Variants in SLC9B1 observed in about 807,000 individuals in gnomAD.
The protein encoded by SLC9B1 is solute carrier family 9 member B1.
In SLC9B1, 32 loss-of-function variants were observed where a neutral mutation model predicts 51.7. That is an observed-to-expected ratio of 0.62 (90% CI 0.47 to 0.83). The LOEUF (loss-of-function observed/expected upper bound fraction) is 0.83. Ranked by LOEUF, SLC9B1 falls within the 40% of genes least tolerant of loss-of-function variation. SLC9B1 has a pLI of 0.00. For synonymous variants in SLC9B1, 145 were observed against 212.7 expected, an observed-to-expected ratio of 0.68 and a Z score of 2.77; for missense variants, 406 against 613.2, an observed-to-expected ratio of 0.66 and a Z score of 3.57.
At chr4:102,941,639 CAAAAAA>C (rs34497777) in intron 6 of SLC9B1, among the ~76,000 whole-genome samples, 5 of 81,816 alleles carry the variant, frequency 6.1e-5, no homozygotes, top group Admixed American at 1.4e-4. Context: ...GACTCCGTCT[CAAAAAA>C]AAAAAAAAAA....
chr4:103,000,675 A>G (rs1740472192), intron 1 of SLC9B1, among the ~76,000 whole-genome samples: 1 of 152,230 alleles, frequency 6.6e-6, no homozygotes, highest in Non-Finnish European at 1.5e-5. Context: ...TCTCACATCC[A>G]GGGCATGCTG....
chr4:102,924,503 A>ATGT (rs1273868548), intron 7 of SLC9B1, among the ~76,000 whole-genome samples: 1 of 152,224 alleles, frequency 6.6e-6, no homozygotes, highest in African/African-American at 2.4e-5. Flanking sequence ...ATGGGCAAAG[A>ATGT]ATTAATGACT....
rs1741149335 is a variant in SLC9B1, at chr4:103,012,819, G to T, written c.-2+6780C>A. On this transcript the variant is annotated intron_variant, in intron 1 of 11. Coordinates refer to ENST00000296422, the MANE Select transcript of SLC9B1 (RefSeq NM_139173.4). ...ATTCTCTGAAGGGAATGAACATTGT[G>T]TCCTCACATGGTGGAAGGCATGTAA... 3.9e-5 allele frequency among the ~76,000 whole-genome samples: 6 copies of T among 152,252 alleles called. No individual in the cohort carries two copies. The South Asian group carries it at 1.2e-3, about 32-fold the overall frequency.
intron 1 of SLC9B1, among the ~76,000 whole-genome samples, chr4:103,001,360 T>C (rs937509408): frequency 2.0e-5 from 3 of 152,220 alleles, no homozygotes; most frequent in African/African-American, 4.8e-5. Context: ...CCCCCAAAAA[T>C]GGATTTTTCT....
At position 102,905,619 on chromosome 4, in the gene SLC9B1, T is replaced by C. The variant is rs772320335; in HGVS notation, c.1227A>G (p.Leu409=). 2.5e-6 allele frequency: 4 copies of C among 1,611,346 alleles called. No individual in the cohort carries two copies. In the South Asian group the frequency reaches 3.3e-5, roughly 13 times the overall value. ...GATATGTGGTTAAAATTCGAACACATAATGCCAAACTTAGAGTGGCAACAG... is the reference window on the plus strand; with the variant it reads ...GATATGTGGTTAAAATTCGAACACACAATGCCAAACTTAGAGTGGCAACAG... ...GISVATLSLA[L]CVRILTTYLL... The change falls in exon 11 of 12, where the codon TTA becomes TTG. Residue 409 remains leucine (L), a synonymous_variant. Coordinates refer to ENST00000296422, the MANE Select transcript of SLC9B1 (RefSeq NM_139173.4).
intron 1 of SLC9B1, chr4:103,016,600 T>C (rs1298693054): frequency 2.0e-5 from 3 of 151,724 alleles, no homozygotes; most frequent in East Asian, 3.9e-4. Context: ...CTGTTGGCCA[T>C]GTTTTGTAGT....
At chr4:102,994,806 G>GATCTC (rs1455027493) in intron 1 of SLC9B1, among the ~76,000 whole-genome samples, 1 of 152,118 alleles carries the variant, frequency 6.6e-6, no homozygotes, top group Non-Finnish European at 1.5e-5. Context: ...AAAATCATCA[G>GATCTC]ATCTCATGAC....
At chr4:102,955,103 C>T (rs1453879536) in intron 3 of SLC9B1, among the ~76,000 whole-genome samples, 2 of 152,122 alleles carry the variant, frequency 1.3e-5, no homozygotes, top group African/African-American at 4.8e-5. Context: ...TGTCCCCATC[C>T]AAATCTCATC....
rs1385185556 is a variant in SLC9B1, at chr4:102,905,433, T to C, written c.1332+81A>G. 4 of 1,373,598 alleles carry C rather than the reference T, an allele frequency of 2.9e-6. No homozygotes were observed. The African/African-American group carries it at 5.9e-5, about 20-fold the overall frequency. The allele number at this position is 1,373,598 out of a possible 1,614,324, so 85.1% of individuals were successfully genotyped here. A position where few individuals can be genotyped will look rare whatever the true frequency, so the allele number is the denominator to read the frequency against. ...AGTAAGGATAATAGCTCATATTTTG[T>C]GACTAGAGTAACATTTTTCATTTTA... is the stretch of plus-strand genomic sequence containing the variant. On this transcript the variant is annotated intron_variant, in intron 11 of 11. Transcript: ENST00000296422.
chr4:102,888,314 A>G (rs1316584266), intron 11 of SLC9B1: 3 of 152,194 alleles, frequency 2.0e-5, no homozygotes, highest in African/African-American at 7.2e-5. Context: ...TTCCAGGGCC[A>G]CACATATACC....
At chr4:102,948,686 C>T (rs1200281642) in intron 4 of SLC9B1, among the ~76,000 whole-genome samples, 1 of 152,080 alleles carries the variant, frequency 6.6e-6, no homozygotes, top group South Asian at 2.1e-4. Flanking sequence ...AGCTGAACAC[C>T]ATTATCCTAA....
intron 1 of SLC9B1, among the ~76,000 whole-genome samples, chr4:103,000,910 G>A (rs558272785): frequency 6.6e-6 from 1 of 152,320 alleles, no homozygotes; most frequent in Admixed American, 6.5e-5. Flanking sequence ...TCTGTGAGGG[G>A]GTCCAACCCT....
chr4:102,930,429 A>G (rs946162225), intron 7 of SLC9B1, among the ~76,000 whole-genome samples: 18 of 152,196 alleles, frequency 1.2e-4, no homozygotes, highest in African/African-American at 4.3e-4. Context: ...AATTAAAAAA[A>G]AATTTTTTTT....
chr4:102,975,583 TATA>T (rs1398752352), intron 3 of SLC9B1, among the ~76,000 whole-genome samples: 9 of 106,892 alleles, frequency 8.4e-5, no homozygotes, highest in African/African-American at 3.3e-4. Flanking sequence ...TATATATATA[TATA>T]TTTTTTTTTT....
intron 7 of SLC9B1, among the ~76,000 whole-genome samples, chr4:102,923,123 T>A (rs1393762810): frequency 6.6e-6 from 1 of 152,120 alleles, no homozygotes; most frequent in Non-Finnish European, 1.5e-5. Context: ...AAGGGAATTT[T>A]AGACCAATAT....
intron 7 of SLC9B1, among the ~76,000 whole-genome samples, chr4:102,928,646 C>T (rs1222836744): frequency 2.0e-5 from 3 of 152,044 alleles, no homozygotes; most frequent in Non-Finnish European, 2.9e-5. Flanking sequence ...AGGGATAGAA[C>T]TAATAGGATA....
At chr4:102,923,732 G>A (rs190009788) in intron 7 of SLC9B1, among the ~76,000 whole-genome samples, 9 of 152,170 alleles carry the variant, frequency 5.9e-5, no homozygotes, top group East Asian at 1.9e-4. Context: ...CAAAATCAAC[G>A]TGTAAAAATC....
intron 9 of SLC9B1, 140 bp from the exon 10 acceptor site, chr4:102,906,784 G>T (rs888521973): frequency 2.1e-4 from 125 of 598,894 alleles, no homozygotes; most frequent in Non-Finnish European, 3.1e-4. Context: ...AGGCTGGAGT[G>T]TAGTGGCATA....
At chr4:102,905,045 T>C (rs2110425378) in intron 11 of SLC9B1, among the ~76,000 whole-genome samples, 1 of 151,816 alleles carries the variant, frequency 6.6e-6, no homozygotes, top group South Asian at 2.1e-4. Flanking sequence ...TCCTAGCTAC[T>C]CAGGAGGCTG....
Sources: allele counts gnomAD v4.1 joint callset (sites outside exome capture counted in the v4.1 genomes callset), GRCh38; gene constraint gnomAD v4.1.1; transcripts MANE v1.5; gene names NCBI Gene and HGNC (gene_info 2026-07-23, HGNC 2026-07-21).